Variants in PRDM10 observed in about 807,000 individuals in gnomAD.
PRDM10 encodes the protein PR domain zinc finger protein 10.
Under a neutral mutation model 133.1 loss-of-function variants are expected in PRDM10, and 65 were observed. The observed-to-expected ratio is 0.49, with a 90% CI of 0.40 to 0.60. The LOEUF (loss-of-function observed/expected upper bound fraction) is 0.60, where lower values mean the gene tolerates loss of function less well. Among genes scored for constraint, PRDM10 ranks in the 20% least tolerant of loss-of-function variants. PRDM10 has a pLI of 0.00. For synonymous variants in PRDM10, 582 were observed against 580.4 expected, an observed-to-expected ratio of 1.00 and a Z score of -0.04; for missense variants, 1,137 against 1,507.1, an observed-to-expected ratio of 0.75 and a Z score of 4.07.
chr11:129,953,941 G>T (rs1292605958), intron 4 of PRDM10, among the ~76,000 whole-genome samples: 1 of 146,562 alleles, frequency 6.8e-6, no homozygotes, highest in Admixed American at 6.9e-5. Context: ...TCCATTGCTT[G>T]CTTGATGGAA....
At chr11:129,958,043 G>T in intron 2 of PRDM10, 133 bp from the exon 3 acceptor site, 1 of 1,005,122 alleles carries the variant, frequency 9.9e-7, no homozygotes, top group Non-Finnish European at 1.4e-6. Flanking sequence ...CACCGAGGTG[G>T]TGACTAGGGG....
chr11:129,997,124 G>GTGGAAGTAAAAAAATATGGATTTTAC (rs1449061774), intron 1 of PRDM10, among the ~76,000 whole-genome samples: 1 of 152,180 alleles, frequency 6.6e-6, no homozygotes, highest in Non-Finnish European at 1.5e-5. Flanking sequence ...CGGTGCAAAC[G>GTGGAAGTAAAAAAATATGGATTTTAC]TGGAAGTAAA....
chr11:129,923,687 A>AGAGAGAGG lies in PRDM10; in HGVS notation c.1879-285_1879-284insCCTCTCTC, dbSNP rs1565464200. 1.4e-5 allele frequency among the ~76,000 whole-genome samples: 2 copies of AGAGAGAGG among 145,198 alleles called. No homozygotes were observed. Among genetic ancestry groups the AGAGAGAGG allele is most frequent in the African/African-American group, 5.3e-5 (2 of 37,724 alleles). Reference sequence around the variant, plus strand: ...GAGAGAGAGAGAGAGAGAGAGAGAGAGAGAGAGTGCTTGCTTGGTCAAAGC... The same window carrying AGAGAGAGG: ...GAGAGAGAGAGAGAGAGAGAGAGAGAGAGAGAGGGAGAGAGTGCTTGCTTGGTCAAAGC... On this transcript the variant is annotated intron_variant, in intron 12 of 20. Coordinates refer to ENST00000360871, the MANE Select transcript of PRDM10 (RefSeq NM_199437.2). The surrounding 1 kb of genome is among the most constrained non-coding windows in gnomAD (Gnocchi z 4.4).
chr11:129,914,153 C>A (rs1950278153), intron 17 of PRDM10, among the ~76,000 whole-genome samples: 1 of 152,194 alleles, frequency 6.6e-6, no homozygotes, highest in African/African-American at 2.4e-5. Flanking sequence ...AGGCATCCGC[C>A]ACCATGCCCA....
chr11:129,907,091 G>A (rs1199745444), intron 19 of PRDM10, among the ~76,000 whole-genome samples: 1 of 152,064 alleles, frequency 6.6e-6, no homozygotes, highest in African/African-American at 2.4e-5. Flanking sequence ...AGAGATGCCT[G>A]AACATTATGT....
At chr11:129,980,062 A>G (rs11221919) in intron 1 of PRDM10, among the ~76,000 whole-genome samples, 28,099 of 152,244 alleles carry the variant, frequency 0.18, 2,819 homozygotes, top group African/African-American at 0.27. Context: ...TGGCCAGGAT[A>G]TGCTGAGATC....
intron 2 of PRDM10, 22 bp downstream of exon 2, chr11:129,960,874 G>A (rs990744094): frequency 6.2e-7 from 1 of 1,613,544 alleles, no homozygotes; most frequent in Non-Finnish European, 8.5e-7. Flanking sequence ...TCAATACCAA[G>A]CTGGAAAAGA....
rs781003159 is a variant in PRDM10 at position 129,947,547 on chromosome 11, A to G, written c.295-177T>C. The G allele has an allele frequency of 1.4e-5, 21 of 1,465,256 alleles. No homozygotes were observed. Among genetic ancestry groups the G allele is most frequent in the Non-Finnish European group, 1.6e-5 (18 of 1,112,976 alleles). 90.8% of individuals were successfully genotyped at this position (1,465,256 alleles called of 1,614,324 possible). ...CCGGCTGTGAGGAAGAGCTGGCTTCATTTTTGATCTGACTGCTCACAGCCT... is the reference window on the plus strand; with the variant it reads ...CCGGCTGTGAGGAAGAGCTGGCTTCGTTTTTGATCTGACTGCTCACAGCCT... On this transcript the variant is annotated intron_variant, in intron 4 of 20. Transcript: ENST00000360871. This position sits in a 1 kb window ranked among gnomAD's most constrained non-coding sequence, Gnocchi z 4.6.
chr11:129,927,022 A>G (rs1326074173), intron 11 of PRDM10, among the ~76,000 whole-genome samples: 7 of 152,204 alleles, frequency 4.6e-5, no homozygotes, highest in Non-Finnish European at 1.0e-4. Flanking sequence ...CCTGGCCAAC[A>G]TGGTAAAACC....
rs1418047726 is a variant in PRDM10, at chr11:129,945,035, A to C, written c.521-23T>G. 1.2e-6 allele frequency: 2 copies of C among 1,607,056 alleles called. No homozygotes were observed. Among genetic ancestry groups the C allele is most frequent in the South Asian group, 1.1e-5 (1 of 89,846 alleles). On this transcript the variant is annotated intron_variant, in intron 5 of 20. Coordinates refer to ENST00000360871, the MANE Select transcript of PRDM10 (RefSeq NM_199437.2). The surrounding 1 kb of genome is among the most constrained non-coding windows in gnomAD (Gnocchi z 4.2). The stretch of plus-strand genomic sequence containing the variant: ...ACCCTGCAAAAGAGAGACAGTCTTG[A>C]AGAAAAGTCCAATTCCTCAGTGTGA...
At position 129,955,620 on chromosome 11, in the gene PRDM10, T is replaced by G. The variant is rs753013880; in HGVS notation, c.235-49A>C. 4.5e-6 allele frequency: 7 copies of G among 1,572,952 alleles called. No homozygotes were observed. In the South Asian group the frequency reaches 7.9e-5, roughly 18 times the overall value. On this transcript the variant is annotated intron_variant, in intron 3 of 20. Coordinates refer to ENST00000360871, the MANE Select transcript of PRDM10 (RefSeq NM_199437.2). Reference sequence around the variant, plus strand: ...ATTATCAGTAGCTCTTTGGATAGCCTGCCTACACAGAAAAATTATCCTACT... The same window carrying G: ...ATTATCAGTAGCTCTTTGGATAGCCGGCCTACACAGAAAAATTATCCTACT...
intron 1 of PRDM10, among the ~76,000 whole-genome samples, chr11:129,977,727 G>T (rs891583756): frequency 6.6e-6 from 1 of 152,164 alleles, no homozygotes; most frequent in Non-Finnish European, 1.5e-5. Flanking sequence ...GCATGAGGAG[G>T]GTGGATGACT....
chr11:129,978,511 TAAGGTTTC>T (rs1175350074), intron 1 of PRDM10, among the ~76,000 whole-genome samples: 1 of 152,208 alleles, frequency 6.6e-6, no homozygotes, highest in East Asian at 1.9e-4. Flanking sequence ...AGAACTGAAC[TAAGGTTTC>T]AAGGCTTCAA....
intron 13 of PRDM10, among the ~76,000 whole-genome samples, chr11:129,922,728 G>A (rs777502158): frequency 3.3e-5 from 5 of 151,890 alleles, no homozygotes; most frequent in Admixed American, 6.6e-5. Context: ...GGTTTTGCTC[G>A]GCTTCTTCTA....
intron 17 of PRDM10, among the ~76,000 whole-genome samples, chr11:129,913,522 G>C (rs1450993282): frequency 6.6e-6 from 1 of 152,160 alleles, no homozygotes; most frequent in South Asian, 2.1e-4. Flanking sequence ...AATTAAAAGA[G>C]ATCAAAGAAA....
At chr11:129,999,048 CCTGGACTCAAG>C (rs1399311301) in intron 1 of PRDM10, among the ~76,000 whole-genome samples, 1 of 152,016 alleles carries the variant, frequency 6.6e-6, no homozygotes, top group Non-Finnish European at 1.5e-5. Context: ...TTCTCGAACT[CCTGGACTCAAG>C]CAATCTGCCT....
chr11:129,982,264 A>ATGTGTG (rs1410212556), intron 1 of PRDM10, among the ~76,000 whole-genome samples: 1 of 150,000 alleles, frequency 6.7e-6, no homozygotes, highest in African/African-American at 2.4e-5. Context: ...TCTCAAAAAA[A>ATGTGTG]TGTGTGTGTC....
intron 1 of PRDM10, among the ~76,000 whole-genome samples, chr11:129,991,153 A>G (rs1409158603): frequency 6.6e-6 from 1 of 152,224 alleles, no homozygotes; most frequent in Non-Finnish European, 1.5e-5. Flanking sequence ...TATAGAGTAT[A>G]ATGCAAATGT....
In PRDM10 at chr11:129,923,368, C is replaced by A. The variant is rs764545195; in HGVS notation, c.1914G>T (p.Lys638Asn). 6 of 1,611,804 alleles carry A rather than the reference C, an allele frequency of 3.7e-6. No individual in the cohort carries two copies. Among genetic ancestry groups the A allele is most frequent in the Non-Finnish European group, 5.1e-6 (6 of 1,179,134 alleles). ...TGTCACACTCTGTGCACTGGTAGAT[C>A]TTTTCTGAGTGGAAGCTGCGCACGT... ...KKHVRSFHSE[K>N]IYQCTECDKA... The change falls in exon 13 of 21, where the codon AAG becomes AAT. Residue 638 changes from lysine (K) to asparagine (N), a missense_variant. Physicochemically the swap from Lys to Asn is moderately conservative, Grantham distance 94. Around this residue, in one of 6 missense-constraint regions of PRDM10, gnomAD observed 635 missense variants for 835.2 expected, o/e 0.76. Transcript: ENST00000360871. The surrounding 1 kb of genome is among the most constrained non-coding windows in gnomAD (Gnocchi z 4.4).
Sources: allele counts gnomAD v4.1 joint callset (sites outside exome capture counted in the v4.1 genomes callset), GRCh38; gene constraint gnomAD v4.1.1; regional missense constraint gnomAD v4.1.1; non-coding constraint Gnocchi (gnomAD v3.1); transcripts MANE v1.5; gene names NCBI Gene and HGNC (gene_info 2026-07-23, HGNC 2026-07-21).